The following MARCHF1 variants were observed in gnomAD, a reference collection of about 807,000 sequenced individuals.
The protein encoded by MARCHF1 is membrane associated ring-CH-type finger 1.
Under a neutral mutation model 54.2 loss-of-function variants are expected in MARCHF1, and 40 were observed. That is an observed-to-expected ratio of 0.74 (90% CI 0.57 to 0.96). The LOEUF (loss-of-function observed/expected upper bound fraction) is 0.96. Among genes scored for constraint, MARCHF1 ranks in the 40% least tolerant of loss-of-function variants. MARCHF1 has a pLI of 0.00. For missense variants in MARCHF1, 586 were observed against 656.5 expected, an observed-to-expected ratio of 0.89 and a Z score of 1.17; for synonymous variants, 236 against 236.3, an observed-to-expected ratio of 1.00 and a Z score of 0.01.
intron 3 of MARCHF1, among the ~76,000 whole-genome samples, chr4:163,940,168 G>T (rs577560916): frequency 1.3e-5 from 2 of 152,112 alleles, no homozygotes; most frequent in African/African-American, 2.4e-5. Context: ...ATCAACTAGT[G>T]TCTTGATTTG....
chr4:163,909,825 A>C (rs1419158183), intron 3 of MARCHF1, among the ~76,000 whole-genome samples: 1 of 152,196 alleles, frequency 6.6e-6, no homozygotes, highest in Non-Finnish European at 1.5e-5. Context: ...ATATAATTAA[A>C]AGACAGATAT....
At chr4:163,648,958 C>A (rs1742864715) in intron 5 of MARCHF1, among the ~76,000 whole-genome samples, 1 of 151,398 alleles carries the variant, frequency 6.6e-6, no homozygotes, top group Admixed American at 6.6e-5. Context: ...GAGTTCACTG[C>A]AACCTATTTT....
chr4:164,220,402 C>T (rs1484461449), intron 1 of MARCHF1, among the ~76,000 whole-genome samples: 1 of 145,698 alleles, frequency 6.9e-6, no homozygotes, highest in African/African-American at 2.5e-5. Context: ...TATAGGAATT[C>T]CATTTTATAT....
intron 3 of MARCHF1, among the ~76,000 whole-genome samples, chr4:163,922,192 A>G (rs956569939): frequency 1.4e-5 from 2 of 138,884 alleles, no homozygotes; most frequent in African/African-American, 5.4e-5. Context: ...GGGGGGGAGC[A>G]TCACACGCCG....
chr4:163,842,498 T>C (rs1472006653), intron 4 of MARCHF1, among the ~76,000 whole-genome samples: 3 of 152,126 alleles, frequency 2.0e-5, no homozygotes, highest in African/African-American at 7.2e-5. Context: ...AGCATATTTT[T>C]TTGCAGTATA....
chr4:164,236,497 CA>C (rs1302066429), intron 1 of MARCHF1, among the ~76,000 whole-genome samples: 3 of 151,962 alleles, frequency 2.0e-5, no homozygotes, highest in African/African-American at 7.3e-5. Context: ...AAATCACCAA[CA>C]AAAAGCACTA....
At chr4:164,199,679 CACAGAGAGAGAGAG>C (rs1185969041) in intron 1 of MARCHF1, among the ~76,000 whole-genome samples, 8 of 51,978 alleles carry the variant, frequency 1.5e-4, no homozygotes, top group Admixed American at 4.5e-4. Context: ...CACACACACA[CACAGAGAGAGAGAG>C]AGAGAGAGAG....
chr4:164,240,293 C>T (rs1036357605), intron 1 of MARCHF1, among the ~76,000 whole-genome samples: 1 of 152,212 alleles, frequency 6.6e-6, no homozygotes, highest in Non-Finnish European at 1.5e-5. Flanking sequence ...TCACAAAGTA[C>T]CAGCACGTGG....
chr4:164,318,303 C>G (rs984943550), intron 1 of MARCHF1, among the ~76,000 whole-genome samples: 10 of 152,138 alleles, frequency 6.6e-5, no homozygotes, highest in Non-Finnish European at 1.3e-4. Flanking sequence ...AAAGTAAAAT[C>G]CACAGTGCAA....
chr4:163,899,711 A>C (rs2111301909), intron 3 of MARCHF1, among the ~76,000 whole-genome samples: 1 of 151,722 alleles, frequency 6.6e-6, no homozygotes, highest in Middle Eastern at 3.4e-3. Flanking sequence ...TGGGATGTCT[A>C]ATGAATAGCC....
At chr4:163,990,993 A>G (rs182075981) in intron 2 of MARCHF1, among the ~76,000 whole-genome samples, 1 of 152,178 alleles carries the variant, frequency 6.6e-6, no homozygotes, top group South Asian at 2.1e-4. Context: ...CTCATTATGC[A>G]TATGAGGTTA....
At chr4:163,979,415 C>G (rs1213541791) in intron 3 of MARCHF1, among the ~76,000 whole-genome samples, 2 of 146,370 alleles carry the variant, frequency 1.4e-5, no homozygotes, top group East Asian at 2.1e-4. Flanking sequence ...TTAATCCAGT[C>G]TATCATTGTT....
chr4:164,225,833 C>T (rs1306065525), intron 1 of MARCHF1, among the ~76,000 whole-genome samples: 1 of 151,998 alleles, frequency 6.6e-6, no homozygotes, highest in Non-Finnish European at 1.5e-5. Flanking sequence ...GGCATAAGTA[C>T]TCATTTAAAA....
At chr4:163,811,183 C>T (rs28397266) in intron 4 of MARCHF1, among the ~76,000 whole-genome samples, 3 of 152,024 alleles carry the variant, frequency 2.0e-5, no homozygotes, top group African/African-American at 7.2e-5. Context: ...TCTAATTTTA[C>T]AAACTCTGTT....
intron 4 of MARCHF1, among the ~76,000 whole-genome samples, chr4:163,733,627 C>T (rs1384208333): frequency 6.6e-6 from 1 of 151,688 alleles, no homozygotes; most frequent in East Asian, 2.0e-4. Flanking sequence ...CACAACAGTC[C>T]CCGGAGTGTG....
intron 1 of MARCHF1, among the ~76,000 whole-genome samples, chr4:164,382,516 CTATT>C (rs141701837): frequency 0.014 from 2,105 of 152,232 alleles, 53 homozygotes; most frequent in African/African-American, 0.049. Context: ...TACAAAATTA[CTATT>C]TAAAGTTTAA....
At chr4:164,326,957 TTG>T (rs370504086) in intron 1 of MARCHF1, among the ~76,000 whole-genome samples, 5,854 of 133,514 alleles carry the variant, frequency 0.044, 137 homozygotes, top group African/African-American at 0.073. Context: ...GTTGTAAGGA[TTG>T]TGTGTGTGTG....
At chr4:163,654,071 G>A (rs1743059768) in intron 5 of MARCHF1, among the ~76,000 whole-genome samples, 1 of 151,692 alleles carries the variant, frequency 6.6e-6, no homozygotes, top group African/African-American at 2.4e-5. Context: ...AAAGTCAACA[G>A]TGTGAGGCCT....
chr4:164,159,763 C>G (rs1730180561), intron 1 of MARCHF1, among the ~76,000 whole-genome samples: 1 of 152,134 alleles, frequency 6.6e-6, no homozygotes, highest in Non-Finnish European at 1.5e-5. Context: ...AGAATGTAAG[C>G]TAGCAGGAAA....
Sources: gnomAD v4.1 joint callset for allele counts (sites outside exome capture counted in the v4.1 genomes callset) on GRCh38, gnomAD v4.1.1 for gene constraint, MANE v1.5 for transcripts, NCBI Gene and HGNC (gene_info 2026-07-23, HGNC 2026-07-21) for gene names.